Variants in GOLGA3 observed in about 807,000 individuals in gnomAD.
GOLGA3 encodes golgin subfamily A member 3.
GOLGA3 carries 75 observed loss-of-function variants against 169.4 expected under a neutral mutation model. That is an observed-to-expected ratio of 0.44 (90% confidence interval 0.37 to 0.54). The LOEUF (loss-of-function observed/expected upper bound fraction) is 0.54. Ranked by LOEUF, GOLGA3 falls within the 20% of genes least tolerant of loss-of-function variation. GOLGA3 has a pLI of 0.00. For missense variants in GOLGA3, 1,899 were observed against 1,930.0 expected (o/e 0.98, Z 0.30); for synonymous variants, 824 against 822.4 (o/e 1.00, Z -0.03).
intron 4 of GOLGA3, among the ~76,000 whole-genome samples, chr12:132,809,614 T>C (rs910614741): frequency 1.8e-4 from 28 of 152,294 alleles, no homozygotes; most frequent in South Asian, 1.0e-3. Flanking sequence ...ACAGAAGGCT[T>C]GCACTCTTGC....
At chr12:132,818,672 G>A (rs1246413893) in intron 2 of GOLGA3, among the ~76,000 whole-genome samples, 2 of 152,218 alleles carry the variant, frequency 1.3e-5, no homozygotes, top group Admixed American at 6.5e-5. Context: ...GCAGGCACTG[G>A]TAACAGCAGT....
intron 3 of GOLGA3, among the ~76,000 whole-genome samples, chr12:132,815,360 A>G (rs1949911126): frequency 6.6e-6 from 1 of 152,204 alleles, no homozygotes; most frequent in Non-Finnish European, 1.5e-5. Flanking sequence ...GTGCACGTAG[A>G]CCCAGCGCTG....
chr12:132,819,915 C>G (rs1437286003), intron 2 of GOLGA3, among the ~76,000 whole-genome samples: 1 of 152,236 alleles, frequency 6.6e-6, no homozygotes, highest in Non-Finnish European at 1.5e-5. Context: ...CGCGGTGGCT[C>G]ACGCCTGCAA....
intron 9 of GOLGA3, 95 bp downstream of exon 9, chr12:132,798,245 T>G (rs916392833): frequency 8.4e-7 from 1 of 1,184,294 alleles, no homozygotes; most frequent in Non-Finnish European, 1.2e-6. Context: ...ATTTAAGAGA[T>G]ACACACAGAG....
chr12:132,821,919 A>ATCCTCCCTCAACACCACG (rs200545199), intron 2 of GOLGA3, 77 bp downstream of exon 2: 123 of 917,998 alleles, frequency 1.3e-4, no homozygotes, highest in African/African-American at 1.1e-3. Flanking sequence ...TCAACGCCAC[A>ATCCTCCCTCAACACCACG]TCCTCCCTCA....
At chr12:132,774,480 C>T (rs933018884) in intron 22 of GOLGA3, 160 bp from the exon 23 acceptor site, 31 of 697,208 alleles carry the variant, frequency 4.4e-5, no homozygotes, top group Middle Eastern at 4.0e-4. Flanking sequence ...CGACAGTCCC[C>T]GGAGCTCCAG....
chr12:132,786,715 C>G lies in GOLGA3; in HGVS notation c.2884G>C (p.Glu962Gln). The G allele has an allele frequency of 6.2e-7, 1 of 1,611,042 alleles. No homozygotes were observed. Among genetic ancestry groups the G allele is most frequent in the Non-Finnish European group, 8.5e-7 (1 of 1,178,676 alleles). Residue 962 changes from glutamate (E) to glutamine (Q), a missense_variant, in exon 14 of 24, where the codon GAG (glutamate) becomes CAG (glutamine). Glu to Gln is a conservative substitution (Grantham distance 29). Transcript: ENST00000450791. The stretch of plus-strand genomic sequence containing the variant: ...TACTTCCGGGCCTCTTGCTGCAACT[C>G]TTCGATTTGTTTCTTCAGCGCCTCA... ...ANEALKKQIE[E>Q]LQQEARKAIT... is the part of the protein sequence containing the mutation.
intron 3 of GOLGA3, among the ~76,000 whole-genome samples, chr12:132,814,328 G>A (rs1949861446): frequency 6.6e-6 from 1 of 152,190 alleles, no homozygotes; most frequent in African/African-American, 2.4e-5. Context: ...CCGGCAGCAA[G>A]TGCCTTTTAA....
In GOLGA3 at chr12:132,775,128, C is replaced by T. The variant is rs757696201; in HGVS notation, c.4143+13G>A. The T allele has an allele frequency of 1.5e-5, 24 of 1,609,516 alleles. No homozygotes were observed. In the Middle Eastern group the frequency reaches 6.9e-4, roughly 46 times the overall value. On this transcript the variant is annotated intron_variant, in intron 22 of 23. Transcript: ENST00000450791. ...CACGTCGGCTACCCCGGGAGGGACGCGGGCCTGAGTACCGTCTTGGCCGCG... is the reference window on the plus strand; with the variant it reads ...CACGTCGGCTACCCCGGGAGGGACGTGGGCCTGAGTACCGTCTTGGCCGCG...
chr12:132,805,062 G>A (rs1467256437), intron 6 of GOLGA3, 40 bp from the exon 7 acceptor site: 11 of 1,580,388 alleles, frequency 7.0e-6, no homozygotes, highest in African/African-American at 2.7e-5. Context: ...TTAAGAAAAC[G>A]AGTCACTTCC....
intron 2 of GOLGA3, among the ~76,000 whole-genome samples, chr12:132,821,065 A>T (rs1490427627): frequency 1.5e-5 from 2 of 133,094 alleles, no homozygotes; most frequent in African/African-American, 5.9e-5. Flanking sequence ...GTGCCACTGC[A>T]CTCCAGCCTG....
intron 21 of GOLGA3, 78 bp from the exon 22 acceptor site, chr12:132,775,383 AG>A: frequency 7.6e-7 from 1 of 1,312,490 alleles, no homozygotes; most frequent in Non-Finnish European, 1.1e-6. Flanking sequence ...GTATTTTCAT[AG>A]GTTAAGCACA....
Position 132,822,079 on chromosome 12 carries a change from T to C in GOLGA3, c.50A>G (p.His17Arg), listed in dbSNP as rs1950246745. 1 of 1,607,178 alleles carries C rather than the reference T, an allele frequency of 6.2e-7. No homozygotes were observed. The highest frequency in any genetic ancestry group is 1.3e-5 in the African/African-American group (1 of 74,308). Residue 17 changes from histidine to arginine, a missense_variant, in exon 2 of 24, where the codon CAC becomes CGC. By Grantham distance (29) the His-to-Arg change is conservative. Coordinates refer to ENST00000450791, the MANE Select transcript of GOLGA3 (RefSeq NM_001389683.1). ...EQDGLQEDRS[H>R]SGPSSLPEAP... Reference sequence around the variant, plus strand: ...CTCGGGGAGAGACGAGGGGCCACTGTGGGATCTGTCCTCCTGGAGGCCATC... The same window carrying C: ...CTCGGGGAGAGACGAGGGGCCACTGCGGGATCTGTCCTCCTGGAGGCCATC...
intron 18 of GOLGA3, 132 bp downstream of exon 18, chr12:132,780,666 C>T (rs1247911050): frequency 1.5e-6 from 1 of 683,040 alleles, no homozygotes; most frequent in Non-Finnish European, 2.6e-6. Context: ...CGGCCTCCGT[C>T]ACCAACAACT....
chr12:132,828,278 C>A (rs967156251), intron 1 of GOLGA3: 3 of 152,220 alleles, frequency 2.0e-5, no homozygotes, highest in Non-Finnish European at 4.4e-5. Flanking sequence ...TGACCCAGAC[C>A]CACAATACCC....
chr12:132,776,910 G>A (rs972488508), intron 20 of GOLGA3, 48 bp downstream of exon 20: 12 of 1,548,098 alleles, frequency 7.8e-6, no homozygotes, highest in South Asian at 2.5e-5. Context: ...AGTCACCCAG[G>A]GCACCCGTGA....
chr12:132,818,671 G>A (rs1950089769), intron 2 of GOLGA3, among the ~76,000 whole-genome samples: 1 of 152,218 alleles, frequency 6.6e-6, no homozygotes, highest in Non-Finnish European at 1.5e-5. Context: ...AGCAGGCACT[G>A]GTAACAGCAG....
chr12:132,822,333 A>C (rs1950254365), intron 1 of GOLGA3, 22 bp from the exon 2 acceptor site: 2 of 1,248,858 alleles, frequency 1.6e-6, no homozygotes, highest in Non-Finnish European at 1.0e-6. Flanking sequence ...GAGAGACAAA[A>C]TGTATTATGA....
intron 18 of GOLGA3, among the ~76,000 whole-genome samples, chr12:132,780,179 C>T (rs550035612): frequency 8.8e-5 from 13 of 147,398 alleles, no homozygotes; most frequent in Middle Eastern, 3.6e-3. Flanking sequence ...CACAGCCCCC[C>T]GCGTGCACAC....
Sources: allele counts gnomAD v4.1 joint callset (sites outside exome capture counted in the v4.1 genomes callset), GRCh38; gene constraint gnomAD v4.1.1; transcripts MANE v1.5; gene names NCBI Gene and HGNC (gene_info 2026-07-23, HGNC 2026-07-21).